ECEL1: variants seen among roughly 807,000 people sequenced by gnomAD.
ECEL1 encodes endothelin converting enzyme like 1.
ECEL1 carries 87 observed loss-of-function variants against 101.8 expected under a neutral mutation model. That is an observed-to-expected ratio of 0.85 (90% confidence interval 0.72 to 1.02). The LOEUF (loss-of-function observed/expected upper bound fraction) is 1.02. ECEL1 is among the 50% of genes least tolerant of loss of function. The pLI, the probability that ECEL1 is intolerant of heterozygous loss-of-function variation, is 0.00. For synonymous variants in ECEL1, 487 were observed against 468.7 expected (o/e 1.04, Z -0.50); for missense variants, 1,032 against 1,079.2 (o/e 0.96, Z 0.61).
chr2:232,484,264 G>A (rs1281534508), intron 6 of ECEL1, 41 bp from the exon 7 acceptor site: 2 of 1,591,880 alleles, frequency 1.3e-6, no homozygotes, highest in Admixed American at 1.7e-5. Context: ...AGACGGACAT[G>A]CATGTGGGCC....
chr2:232,485,766 T>C, intron 2 of ECEL1, 102 bp downstream of exon 2: 1 of 1,422,200 alleles, frequency 7.0e-7, no homozygotes, highest in Non-Finnish European at 9.5e-7. Flanking sequence ...TCTTCCCTCC[T>C]CTCCTCTCAC....
Position 232,486,230 on chromosome 2 carries a change from C to T in ECEL1, c.424G>A (p.Asp142Asn), listed in dbSNP as rs1690721978. ...GGWLRRHAIP[D>N]DKLTYGTIAA... is the part of the protein sequence containing the mutation. ...ATGGTGCCATAGGTGAGCTTGTCGTCGGGGATGGCGTGGCGCCGCAGCCAA... is the reference window on the plus strand; with the variant it reads ...ATGGTGCCATAGGTGAGCTTGTCGTTGGGGATGGCGTGGCGCCGCAGCCAA... Residue 142 changes from aspartate to asparagine, a missense_variant, in exon 2 of 18, where the codon GAC becomes AAC. Coordinates refer to ENST00000304546, the MANE Select transcript of ECEL1 (RefSeq NM_004826.4). The T allele has an allele frequency of 1.9e-6, 3 of 1,601,232 alleles. No individual in the cohort carries two copies. Among genetic ancestry groups the T allele is most frequent in the South Asian group, 1.1e-5 (1 of 90,702 alleles).
rs1191952915 is a variant in ECEL1, at chr2:232,480,185, T to C, written c.2296A>G (p.Met766Val). Residue 766 changes from methionine (M) to valine (V), a missense_variant, in exon 18 of 18, where the codon ATG becomes GTG. Met to Val is a conservative substitution (Grantham distance 21, BLOSUM62 1). Coordinates refer to ENST00000304546, the MANE Select transcript of ECEL1 (RefSeq NM_004826.4). ...RAFHCPKDSP[M>V]NPAHKCSVW ...ACGGAACACTTGTGGGCAGGGTTCA[T>C]GGGTGAGTCCTTGGGACAGTGGAAA... 1 of 1,613,928 alleles carries C rather than the reference T, an allele frequency of 6.2e-7. No homozygotes were observed. Among genetic ancestry groups the C allele is most frequent in the Non-Finnish European group, 8.5e-7 (1 of 1,179,986 alleles).
intron 17 of ECEL1, 36 bp downstream of exon 17, chr2:232,480,363 A>C (rs1690544826): frequency 6.2e-7 from 1 of 1,611,458 alleles, no homozygotes; most frequent in Non-Finnish European, 8.5e-7. Flanking sequence ...CCCAAACACA[A>C]GGAGTGGACA....
Position 232,484,827 on chromosome 2 carries a change from C to A in ECEL1, c.1033G>T (p.Gly345Trp). Residue 345 changes from glycine to tryptophan, a missense_variant, in exon 5 of 18, where the codon GGG becomes TGG. Gly to Trp is a radical substitution (Grantham distance 184). Coordinates refer to ENST00000304546, the MANE Select transcript of ECEL1 (RefSeq NM_004826.4). Reference protein sequence around the residue: ...VSSMYNKVTLGQLQKITPHLR... With the variant: ...VSSMYNKVTLWQLQKITPHLR... ...TGGGGGGTGATCTTCTGCAGCTGCCCCAGCGTCACCTTGTTGTACATGGAG... is the reference window on the plus strand; with the variant it reads ...TGGGGGGTGATCTTCTGCAGCTGCCACAGCGTCACCTTGTTGTACATGGAG... The A allele has an allele frequency of 6.2e-7, 1 of 1,613,988 alleles. No homozygotes were observed. Among genetic ancestry groups the A allele is most frequent in the Non-Finnish European group, 8.5e-7 (1 of 1,180,014 alleles).
At chr2:232,485,307 C>A (rs779160649) in intron 2 of ECEL1, 40 bp from the exon 3 acceptor site, 10 of 1,603,536 alleles carry the variant, frequency 6.2e-6, no homozygotes, top group Admixed American at 1.7e-5. Context: ...GAGGCCCACA[C>A]CTCAGGTTCC....
In ECEL1 at chr2:232,485,204, C is replaced by T. The variant is rs1171843311; in HGVS notation, c.850G>A (p.Glu284Lys). ...TLYLAQDEDSEKILAAYRVFM... is the reference protein window; with the variant it reads ...TLYLAQDEDSKKILAAYRVFM... Reference sequence around the variant, plus strand: ...CCCATCCCATGCCCCAGCACCTTCTCACTGTCCTCATCCTGAGCGAGGTAC... The same window carrying T: ...CCCATCCCATGCCCCAGCACCTTCTTACTGTCCTCATCCTGAGCGAGGTAC... Residue 284 changes from glutamate to lysine, a missense_variant, in exon 3 of 18, where the codon GAG becomes AAG. Glu to Lys is a moderately conservative substitution (Grantham distance 56). Transcript: ENST00000304546. 1.2e-6 allele frequency: 2 copies of T among 1,613,694 alleles called. No homozygotes were observed. Among genetic ancestry groups the T allele is most frequent in the Admixed American group, 3.3e-5 (2 of 60,022 alleles).
At position 232,480,857 on chromosome 2, in the gene ECEL1, G is replaced by A. The variant is rs768982179; in HGVS notation, c.2056-44C>T. The A allele has an allele frequency of 1.5e-5, 24 of 1,563,260 alleles. No homozygotes were observed. In the South Asian group the frequency reaches 2.4e-4, roughly 16 times the overall value. On this transcript the variant is annotated intron_variant, in intron 15 of 17. Transcript: ENST00000304546. ...TGGACCTGCTATGCCCGCCCACCCT[G>A]GGCACCGCTTCTTCTCTGTCCTCCA...
At chr2:232,481,360 T>C in intron 14 of ECEL1, 146 bp downstream of exon 14, 1 of 1,411,576 alleles carries the variant, frequency 7.1e-7, no homozygotes, top group Non-Finnish European at 9.6e-7. Flanking sequence ...TCTGTCCACG[T>C]GAGTGTGCGT....
Position 232,483,124 on chromosome 2 carries a change from G to A in ECEL1, c.1562C>T (p.Ala521Val), listed in dbSNP as rs751758652. The change falls in exon 9 of 18, where the codon GCT becomes GTT. Residue 521 changes from alanine (A) to valine (V), a missense_variant. Ala to Val is a moderately conservative substitution (Grantham distance 64). Coordinates refer to ENST00000304546, the MANE Select transcript of ECEL1 (RefSeq NM_004826.4). The stretch of plus-strand genomic sequence containing the variant: ...GCCCACCTCATACTCCTTGTCCACA[G>A]CATCGGGTTTCAGCAGGAAGTCCGG... ...GYPDFLLKPD[A>V]VDKEYEFEVH... 11 of 1,609,320 alleles carry A rather than the reference G, an allele frequency of 6.8e-6. 1 individual carries two copies. The South Asian group carries it at 8.8e-5, about 13-fold the overall frequency.
In ECEL1 at chr2:232,483,445, C is replaced by T. The variant is rs763859873; in HGVS notation, c.1477G>A (p.Ala493Thr). 24 of 1,611,750 alleles carry T rather than the reference C, an allele frequency of 1.5e-5. No homozygotes were observed. The highest frequency in any genetic ancestry group is 6.6e-5 in the South Asian group (6 of 90,830). The stretch of plus-strand genomic sequence containing the variant: ...GCCCGAGCAGCAGCCCTGGTCTCGG[C>T]GTCCATCCAGTCCAGCTCCTCCAGG... ...QRLEELDWMD[A>T]ETRAAARAKL... Residue 493 changes from alanine to threonine, a missense_variant, in exon 8 of 18, where the codon GCC (alanine) becomes ACC (threonine). Ala to Thr is a moderately conservative substitution (Grantham distance 58). Transcript: ENST00000304546.
intron 9 of ECEL1, 57 bp downstream of exon 9, chr2:232,483,048 T>A: frequency 6.2e-7 from 1 of 1,612,280 alleles, no homozygotes; most frequent in South Asian, 1.1e-5. Context: ...CCTGCCCTCC[T>A]GAGTGCCGTT....
Position 232,485,103 on chromosome 2 carries a change from G to C in ECEL1, c.856-12C>G, listed in dbSNP as rs923574247. ...TATGCTGCCAGGATCTGCACCAGGGGAGGGGGCTCACCCAGGGACAGGGAC... is the reference window on the plus strand; with the variant it reads ...TATGCTGCCAGGATCTGCACCAGGGCAGGGGGCTCACCCAGGGACAGGGAC... On this transcript the variant is annotated splice_polypyrimidine_tract_variant and intron_variant, in intron 3 of 17. Transcript: ENST00000304546. 3.7e-6 allele frequency: 6 copies of C among 1,611,312 alleles called. No homozygotes were observed. Among genetic ancestry groups the C allele is most frequent in the Non-Finnish European group, 5.1e-6 (6 of 1,179,970 alleles).
At position 232,484,612 on chromosome 2, in the gene ECEL1, C is replaced by G. The variant is rs754587418; in HGVS notation, c.1060-16G>C. On this transcript the variant is annotated splice_polypyrimidine_tract_variant and intron_variant, in intron 5 of 17. Coordinates refer to ENST00000304546, the MANE Select transcript of ECEL1 (RefSeq NM_004826.4). ...TCCACCGCAACTGTGAGACCAAGGA[C>G]AGGGACAGTGAGGCTAGGGTTGGCA... 6.2e-7 allele frequency: 1 copy of G among 1,613,552 alleles called. No homozygotes were observed. The highest frequency in any genetic ancestry group is 1.1e-5 in the South Asian group (1 of 91,064).
chr2:232,479,846 G>A lies in ECEL1; in HGVS notation c.*307C>T, dbSNP rs1314051010. On this transcript the variant is annotated 3_prime_UTR_variant, in exon 18 of 18. Coordinates refer to ENST00000304546, the MANE Select transcript of ECEL1 (RefSeq NM_004826.4). ...CAAGGCAACAGTGCAGTGATTTATT[G>A]ACCAGACTTTGCAGCAAGAACACAG... The A allele has an allele frequency of 7.2e-6, 3 of 418,108 alleles. No homozygotes were observed. Among genetic ancestry groups the A allele is most frequent in the East Asian group, 4.6e-5 (1 of 21,904 alleles). 25.9% of individuals were successfully genotyped at this position (418,108 alleles called of 1,614,324 possible).
intron 8 of ECEL1, 58 bp downstream of exon 8, chr2:232,483,358 T>G: frequency 1.3e-6 from 2 of 1,569,874 alleles, no homozygotes; most frequent in Non-Finnish European, 1.7e-6. Context: ...CTTTCGCTGG[T>G]ACACAGTAGG....
intron 6 of ECEL1, 86 bp from the exon 7 acceptor site, chr2:232,484,309 C>T: frequency 6.4e-7 from 1 of 1,565,402 alleles, no homozygotes; most frequent in South Asian, 1.2e-5. Context: ...GCCCGCCAAC[C>T]TGTGGCTGGA....
chr2:232,481,365 G>T, intron 14 of ECEL1, 141 bp downstream of exon 14: 1 of 1,422,694 alleles, frequency 7.0e-7, no homozygotes, highest in South Asian at 1.4e-5. Flanking sequence ...CCACGTGAGT[G>T]TGCGTGGGAA....
intron 7 of ECEL1, 129 bp downstream of exon 7, chr2:232,483,872 G>A (rs1690649087): frequency 1.9e-6 from 2 of 1,063,336 alleles, no homozygotes; most frequent in African/African-American, 3.2e-5. Flanking sequence ...AATCGGCTGA[G>A]TACTTAGCAG....
Sources: allele counts gnomAD v4.1 joint callset, GRCh38; gene constraint gnomAD v4.1.1; transcripts MANE v1.5; gene names NCBI Gene and HGNC (gene_info 2026-07-23, HGNC 2026-07-21).